FMN2: variants seen among roughly 807,000 people sequenced by gnomAD.
FMN2 encodes the protein formin-2.
Under a neutral mutation model 142.3 loss-of-function variants are expected in FMN2, and 51 were observed. The observed-to-expected ratio is 0.36, with a 90% CI of 0.29 to 0.45. FMN2 has a LOEUF of 0.45. Among genes scored for constraint, FMN2 ranks in the 20% least tolerant of loss-of-function variants. The pLI is 1.00. For synonymous variants in FMN2, 882 were observed against 869.8 expected (o/e 1.01, Z -0.25); for missense variants, 1,936 against 2,122.8 (o/e 0.91, Z 1.73).
At chr1:240,146,511 T>C (rs1466313832) in intron 2 of FMN2, among the ~76,000 whole-genome samples, 1 of 151,708 alleles carries the variant, frequency 6.6e-6, no homozygotes. Context: ...AAGACCAGGC[T>C]GGCCAACATG....
chr1:240,307,198 C>G (rs1355185904), intron 8 of FMN2, among the ~76,000 whole-genome samples: 1 of 151,916 alleles, frequency 6.6e-6, no homozygotes, highest in Non-Finnish European at 1.5e-5. Flanking sequence ...TGTTGGTTAT[C>G]TGTTTATTCT....
intron 6 of FMN2, among the ~76,000 whole-genome samples, chr1:240,231,930 A>G (rs1441959468): frequency 1.3e-5 from 2 of 152,130 alleles, no homozygotes; most frequent in Non-Finnish European, 2.9e-5. Context: ...ATTGATCCTC[A>G]TTGCTTGGTT....
intron 15 of FMN2, among the ~76,000 whole-genome samples, chr1:240,397,412 A>G (rs544042098): frequency 5.3e-5 from 8 of 152,274 alleles, no homozygotes; most frequent in South Asian, 4.2e-4. Flanking sequence ...AAGGTCTTCA[A>G]CTGATTGGAG....
intron 8 of FMN2, among the ~76,000 whole-genome samples, chr1:240,306,949 G>C (rs1053690267): frequency 3.3e-5 from 5 of 152,258 alleles, no homozygotes; most frequent in Non-Finnish European, 7.3e-5. Context: ...ATTCTCACTG[G>C]TGTGAGATGG....
At chr1:240,218,061 G>A (rs2103416726) in intron 6 of FMN2, among the ~76,000 whole-genome samples, 1 of 152,100 alleles carries the variant, frequency 6.6e-6, no homozygotes, top group Non-Finnish European at 1.5e-5. Context: ...TAGGTGGGCG[G>A]ATCACAAGGT....
chr1:240,193,986 T>C lies in FMN2; in HGVS notation c.1986+5724T>C, dbSNP rs182938227. ...GCGTTATCACTCACTATTTCCTGTA[T>C]GATTGGCTGGCTTGTTCCAACCCTA... On this transcript the variant is annotated intron_variant, in intron 4 of 17. Transcript: ENST00000319653. Among the ~76,000 whole-genome samples, 594 of 152,332 alleles carry C rather than the reference T, an allele frequency of 3.9e-3. 10 individuals carry two copies. Among genetic ancestry groups the C allele is most frequent in the African/African-American group, 0.013 (561 of 41,576 alleles).
intron 14 of FMN2, among the ~76,000 whole-genome samples, chr1:240,372,488 T>G: frequency 6.6e-6 from 1 of 151,708 alleles, no homozygotes; most frequent in East Asian, 1.9e-4. Context: ...TCATAAAGTT[T>G]ATGCTTATAT....
intron 2 of FMN2, among the ~76,000 whole-genome samples, chr1:240,148,349 A>C (rs1663592777): frequency 2.0e-5 from 2 of 102,202 alleles, no homozygotes; most frequent in South Asian, 9.6e-4. Flanking sequence ...TAAAGAGAGA[A>C]AGACAGAGAG....
At chr1:240,301,624 T>G (rs1301300139) in intron 8 of FMN2, among the ~76,000 whole-genome samples, 1 of 151,910 alleles carries the variant, frequency 6.6e-6, no homozygotes, top group Non-Finnish European at 1.5e-5. Flanking sequence ...TTGAAGGACA[T>G]TTTAAAATTG....
At chr1:240,431,793 T>A (rs544032519) in intron 15 of FMN2, among the ~76,000 whole-genome samples, 1 of 151,856 alleles carries the variant, frequency 6.6e-6, no homozygotes, top group East Asian at 1.9e-4. Context: ...TAACACCAAA[T>A]TGTATTATGG....
At chr1:240,424,726 G>T (rs1039797112) in intron 15 of FMN2, among the ~76,000 whole-genome samples, 1 of 152,064 alleles carries the variant, frequency 6.6e-6, no homozygotes, top group African/African-American at 2.4e-5. Flanking sequence ...TTATAAATGG[G>T]GAACAAAGCT....
At chr1:240,263,005 C>G (rs920860038) in intron 7 of FMN2, among the ~76,000 whole-genome samples, 2 of 151,938 alleles carry the variant, frequency 1.3e-5, no homozygotes, top group Non-Finnish European at 2.9e-5. Context: ...GTGATCCACC[C>G]GCCTCAGCCT....
intron 14 of FMN2, among the ~76,000 whole-genome samples, chr1:240,357,435 T>A (rs1398450926): frequency 6.6e-6 from 1 of 152,170 alleles, no homozygotes; most frequent in Non-Finnish European, 1.5e-5. Flanking sequence ...AATTGTGCTT[T>A]CAAAACACAG....
At chr1:240,343,404 G>A (rs1415847692) in intron 13 of FMN2, among the ~76,000 whole-genome samples, 1 of 152,186 alleles carries the variant, frequency 6.6e-6, no homozygotes, top group Non-Finnish European at 1.5e-5. Context: ...TGGGCCTGAG[G>A]AAGCTGATCC....
chr1:240,131,382 C>T (rs1486122876), intron 2 of FMN2, among the ~76,000 whole-genome samples: 3 of 151,986 alleles, frequency 2.0e-5, no homozygotes, highest in Middle Eastern at 3.2e-3. Context: ...CTGAGGCATG[C>T]GTAGGAGTTT....
intron 2 of FMN2, among the ~76,000 whole-genome samples, chr1:240,166,905 T>G (rs999693819): frequency 1.3e-5 from 2 of 152,146 alleles, no homozygotes; most frequent in African/African-American, 4.8e-5. Context: ...GCGGATAACC[T>G]GAGGTCAGGA....
chr1:240,275,524 C>T (rs1331467971), intron 7 of FMN2, among the ~76,000 whole-genome samples: 3 of 151,948 alleles, frequency 2.0e-5, no homozygotes, highest in African/African-American at 7.3e-5. Flanking sequence ...CAAGTCTTTG[C>T]TATTGTGAAC....
intron 15 of FMN2, among the ~76,000 whole-genome samples, chr1:240,427,752 T>A (rs1027896632): frequency 6.7e-6 from 1 of 148,500 alleles, no homozygotes; most frequent in Non-Finnish European, 1.5e-5. Context: ...TTCTTTTAGA[T>A]AGGTAGTTAG....
intron 6 of FMN2, among the ~76,000 whole-genome samples, chr1:240,237,481 G>C (rs1319588411): frequency 6.6e-6 from 1 of 152,136 alleles, no homozygotes; most frequent in Non-Finnish European, 1.5e-5. Flanking sequence ...TTACTGATAT[G>C]CATTTTCAGT....
Sources: allele counts gnomAD v4.1 joint callset (sites outside exome capture counted in the v4.1 genomes callset), GRCh38; gene constraint gnomAD v4.1.1; transcripts MANE v1.5; gene names NCBI Gene and HGNC (gene_info 2026-07-23, HGNC 2026-07-21).